The following TDRP variants were observed in gnomAD, a reference collection of about 807,000 sequenced individuals.
TDRP encodes testis development-related protein.
Under a neutral mutation model 10.5 loss-of-function variants are expected in TDRP, and 12 were observed. That is an observed-to-expected ratio of 1.15 (90% CI 0.73 to 1.86). The LOEUF (loss-of-function observed/expected upper bound fraction) is 1.86, where lower values mean the gene tolerates loss of function less well. TDRP is among the 40% of genes most tolerant of loss of function. TDRP has a pLI of 0.00. For missense variants in TDRP, 353 were observed against 229.2 expected, an observed-to-expected ratio of 1.54 and a Z score of -3.49; for synonymous variants, 139 against 95.4, an observed-to-expected ratio of 1.46 and a Z score of -2.67.
intron 1 of TDRP, among the ~76,000 whole-genome samples, chr8:496,241 T>C (rs112278093): frequency 1.3e-5 from 2 of 152,162 alleles, no homozygotes; most frequent in African/African-American, 4.8e-5. Flanking sequence ...TTGGCACACT[T>C]GTATGCACAT....
intron 1 of TDRP, among the ~76,000 whole-genome samples, chr8:523,214 T>C (rs1038759256): frequency 6.6e-6 from 1 of 152,224 alleles, no homozygotes; most frequent in Non-Finnish European, 1.5e-5. Flanking sequence ...ACATAAAACA[T>C]CTTATAGTTA....
intron 1 of TDRP, among the ~76,000 whole-genome samples, chr8:498,686 G>T (rs1180910451): frequency 6.6e-6 from 1 of 152,118 alleles, no homozygotes; most frequent in Non-Finnish European, 1.5e-5. Flanking sequence ...CATTACATTT[G>T]GGAGGGGCCA....
intron 1 of TDRP, among the ~76,000 whole-genome samples, chr8:496,419 T>A (rs1279446085): frequency 6.6e-6 from 1 of 152,148 alleles, no homozygotes; most frequent in Non-Finnish European, 1.5e-5. Flanking sequence ...TGCAATGCAA[T>A]CTCCACCTAC....
In TDRP at chr8:491,767, G is replaced by C; in HGVS notation, c.*632C>G. 1 of 1,385,636 alleles carries C rather than the reference G, an allele frequency of 7.2e-7. No individual in the cohort carries two copies. The highest frequency in any genetic ancestry group is 2.7e-5 in the East Asian group (1 of 37,416). The allele number at this position is 1,385,636 out of a possible 1,614,324, so 85.8% of individuals were successfully genotyped here. On this transcript the variant is annotated 3_prime_UTR_variant, in exon 3 of 3. Coordinates refer to ENST00000324079, the MANE Select transcript of TDRP (RefSeq NM_001384899.1). ...AATAAAATTCCAAAAAAGAACCACT[G>C]TTACTATCCAGTGGACATACAAGAA...
intron 1 of TDRP, among the ~76,000 whole-genome samples, chr8:512,995 G>C (rs921612560): frequency 6.7e-6 from 1 of 150,080 alleles, no homozygotes; most frequent in Non-Finnish European, 1.5e-5. Flanking sequence ...ACAAGGTGGA[G>C]AAATTGAATT....
At chr8:494,716 T>TA in intron 1 of TDRP, 119 bp from the exon 2 acceptor site, 2 of 808,958 alleles carry the variant, frequency 2.5e-6, no homozygotes, top group Non-Finnish European at 4.0e-6. Context: ...GCTTACATCT[T>TA]AGCTTTCCAT....
At chr8:512,685 G>C (rs1198360255) in intron 1 of TDRP, among the ~76,000 whole-genome samples, 1 of 152,056 alleles carries the variant, frequency 6.6e-6, no homozygotes, top group Non-Finnish European at 1.5e-5. Flanking sequence ...TATATAACAA[G>C]TGAAGAGACC....
rs141356157 is a variant in TDRP at position 542,631 on chromosome 8, G to A, written c.108+2019C>T. Among the ~76,000 whole-genome samples the A allele has an allele frequency of 2.7e-3, 408 of 152,212 alleles. 2 individuals carry two copies. Among genetic ancestry groups the A allele is most frequent in the African/African-American group, 9.3e-3 (385 of 41,542 alleles). ...TGTAATCCCAGCACTTCAGAAGGCC[G>A]AGGAGGGCAGATCACCTGAGATCAT... On this transcript the variant is annotated intron_variant, in intron 1 of 2. Transcript: ENST00000324079.
intron 1 of TDRP, among the ~76,000 whole-genome samples, chr8:519,241 G>A (rs895466084): frequency 5.9e-5 from 9 of 152,144 alleles, no homozygotes; most frequent in African/African-American, 1.2e-4. Flanking sequence ...AGGGATGGAC[G>A]CTGTGTGCCC....
Position 544,736 on chromosome 8 carries a change from G to A in TDRP, c.22C>T (p.Arg8Ter). Reference protein sequence around the residue: MWKLGRGRVLLDEPPEEE... With the variant: MWKLGRG ...TCGGGGGGCTCGTCCAGCAGCACTC[G>A]GCCCCGGCCCAGCTTCCACATGGTC... The change falls in exon 1 of 3, where the codon CGA becomes TGA. Residue 8 changes from arginine to a stop codon, truncating the protein, a stop_gained. Coordinates refer to ENST00000324079, the MANE Select transcript of TDRP (RefSeq NM_001384899.1). LOFTEE classifies it high-confidence loss of function. The A allele has an allele frequency of 8.1e-7, 1 of 1,239,888 alleles. No individual in the cohort carries two copies. Among genetic ancestry groups the A allele is most frequent in the Non-Finnish European group, 1.0e-6 (1 of 990,518 alleles). The allele number at this position is 1,239,888 out of a possible 1,614,324, so 76.8% of individuals were successfully genotyped here.
At chr8:533,507 C>A (rs1351992091) in intron 1 of TDRP, among the ~76,000 whole-genome samples, 1 of 152,214 alleles carries the variant, frequency 6.6e-6, no homozygotes, top group African/African-American at 2.4e-5. Context: ...GACAAATCTT[C>A]CATCTGAAAC....
At chr8:532,094 G>T (rs1000084238) in intron 1 of TDRP, among the ~76,000 whole-genome samples, 1 of 152,188 alleles carries the variant, frequency 6.6e-6, no homozygotes, top group Non-Finnish European at 1.5e-5. Flanking sequence ...CCAGGTTCTT[G>T]CCTTTAATTC....
intron 1 of TDRP, among the ~76,000 whole-genome samples, chr8:507,308 G>A (rs1293087700): frequency 1.3e-5 from 2 of 152,122 alleles, no homozygotes; most frequent in African/African-American, 2.4e-5. Context: ...TTTGAGACAA[G>A]CCTAAGATTT....
chr8:520,320 C>T (rs780223207), intron 1 of TDRP, among the ~76,000 whole-genome samples: 1 of 152,124 alleles, frequency 6.6e-6, no homozygotes, highest in Non-Finnish European at 1.5e-5. Flanking sequence ...TTCCATTGAA[C>T]ATATGTACTA....
intron 1 of TDRP, among the ~76,000 whole-genome samples, chr8:513,180 C>T (rs543844815): frequency 8.0e-5 from 12 of 150,544 alleles, no homozygotes; most frequent in African/African-American, 2.9e-4. Flanking sequence ...TATACTGATA[C>T]CAAAACTAGA....
At chr8:517,386 G>C (rs1318356910) in intron 1 of TDRP, among the ~76,000 whole-genome samples, 1 of 152,154 alleles carries the variant, frequency 6.6e-6, no homozygotes, top group Non-Finnish European at 1.5e-5. Context: ...GAGATTAAAC[G>C]AAGCATCTGA....
intron 1 of TDRP, among the ~76,000 whole-genome samples, chr8:516,832 C>T (rs1050183794): frequency 5.9e-5 from 9 of 152,128 alleles, no homozygotes; most frequent in East Asian, 1.9e-4. Flanking sequence ...CAGCTTTATT[C>T]GGAAATGCTA....
At chr8:496,883 A>C (rs1801152149) in intron 1 of TDRP, among the ~76,000 whole-genome samples, 1 of 152,022 alleles carries the variant, frequency 6.6e-6, no homozygotes, top group African/African-American at 2.4e-5. Context: ...CTCTCTCTCT[A>C]TCCTGCCGCC....
At chr8:536,271 G>C (rs896138826) in intron 1 of TDRP, among the ~76,000 whole-genome samples, 14 of 152,212 alleles carry the variant, frequency 9.2e-5, no homozygotes, top group African/African-American at 3.4e-4. Flanking sequence ...GCAAGTAGAA[G>C]AATCCACCAC....
Sources: gnomAD v4.1 joint callset for allele counts (sites outside exome capture counted in the v4.1 genomes callset) on GRCh38, gnomAD v4.1.1 for gene constraint, MANE v1.5 for transcripts, NCBI Gene and HGNC (gene_info 2026-07-23, HGNC 2026-07-21) for gene names.